BICRA: variants seen among roughly 807,000 people sequenced by gnomAD.
BICRA encodes BRD4 interacting chromatin remodeling complex associated protein, also known as BRD4-interacting chromatin-remodeling complex-associated protein.
In BICRA, 31 loss-of-function variants were observed where a neutral mutation model predicts 96.9. The observed-to-expected ratio is 0.32, with a 90% CI of 0.24 to 0.43. The LOEUF (loss-of-function observed/expected upper bound fraction) is 0.43, where lower values mean the gene tolerates loss of function less well. BICRA is among the 20% of genes least tolerant of loss of function. The pLI, the probability that BICRA is intolerant of heterozygous loss-of-function variation, is 1.00. For synonymous variants in BICRA, 1,350 were observed against 1,071.8 expected, an observed-to-expected ratio of 1.26 and a Z score of -5.07; for missense variants, 2,283 against 2,190.3, an observed-to-expected ratio of 1.04 and a Z score of -0.84.
intron 1 of BICRA, among the ~76,000 whole-genome samples, chr19:47,668,828 A>G (rs1972821820): frequency 6.7e-6 from 1 of 150,368 alleles, no homozygotes; most frequent in South Asian, 2.1e-4. Flanking sequence ...TCTGTTTAAA[A>G]TGGCTCCTAG....
chr19:47,631,210 C>G (rs933225999), intron 1 of BICRA, among the ~76,000 whole-genome samples: 3 of 152,040 alleles, frequency 2.0e-5, no homozygotes, highest in Non-Finnish European at 4.4e-5. Context: ...GTGCACCACC[C>G]CATCTGGCTA....
At chr19:47,663,816 A>ACG (rs10635659) in intron 1 of BICRA, 1 of 149,446 alleles carries the variant, frequency 6.7e-6, no homozygotes, top group Non-Finnish European at 1.5e-5. Flanking sequence ...ACACACACAC[A>ACG]TTATTGAAAC....
Position 47,682,288 on chromosome 19 carries a change from C to A in BICRA, c.2283+136C>A, listed in dbSNP as rs188687451. 7.9e-5 allele frequency: 44 copies of A among 557,380 alleles called. 1 individual carries two copies. Among genetic ancestry groups the A allele is most frequent in the Middle Eastern group, 4.7e-4 (1 of 2,126 alleles). 34.5% of individuals were successfully genotyped at this position (557,380 alleles called of 1,614,324 possible). Reference sequence around the variant, plus strand: ...TGGAACACAGAGCTCTCCTTCACCCCCCAAGTGTCTCCTAGTGATCATGGA... The same window carrying A: ...TGGAACACAGAGCTCTCCTTCACCCACCAAGTGTCTCCTAGTGATCATGGA... On this transcript the variant is annotated intron_variant, in intron 7 of 14. Coordinates refer to ENST00000594866, the MANE Select transcript of BICRA (RefSeq NM_001394372.1).
At chr19:47,679,059 CCT>C in intron 5 of BICRA, 1 of 326,866 alleles carries the variant, frequency 3.1e-6, no homozygotes. Context: ...TGCTGCCACC[CCT>C]GACTAATTTT....
intron 1 of BICRA, among the ~76,000 whole-genome samples, chr19:47,645,121 G>C (rs962162597): frequency 6.6e-6 from 1 of 152,134 alleles, no homozygotes; most frequent in Non-Finnish European, 1.5e-5. Context: ...ACGTCCCTCA[G>C]AGCCGTATCC....
intron 1 of BICRA, among the ~76,000 whole-genome samples, chr19:47,629,639 G>A (rs1209437513): frequency 1.3e-5 from 2 of 151,842 alleles, no homozygotes; most frequent in Non-Finnish European, 2.9e-5. Context: ...TTGAACATGA[G>A]TGTGCAAATA....
intron 1 of BICRA, among the ~76,000 whole-genome samples, chr19:47,635,306 G>T (rs1019806355): frequency 2.0e-5 from 3 of 150,214 alleles, no homozygotes; most frequent in Non-Finnish European, 4.4e-5. Context: ...GGAGTGCAGT[G>T]GCTGGATCTT....
intron 7 of BICRA, among the ~76,000 whole-genome samples, chr19:47,692,114 A>G (rs1428675499): frequency 6.6e-6 from 1 of 152,080 alleles, no homozygotes; most frequent in Non-Finnish European, 1.5e-5. Context: ...TGAGTGGGCC[A>G]GTTCTCTTTT....
chr19:47,640,423 G>A (rs752999362), intron 1 of BICRA, among the ~76,000 whole-genome samples: 14 of 151,904 alleles, frequency 9.2e-5, no homozygotes, highest in Non-Finnish European at 1.5e-4. Context: ...CCAGCTACTC[G>A]GGAGGCTGAG....
At position 47,702,763 on chromosome 19, in the gene BICRA, C is replaced by T. The variant is rs1973489058; in HGVS notation, c.*348C>T. On this transcript the variant is annotated 3_prime_UTR_variant, in exon 15 of 15. Coordinates refer to ENST00000594866, the MANE Select transcript of BICRA (RefSeq NM_001394372.1). ...AGGGATGGGGCCACCGGGTTGATGC[C>T]AACGCTCCGGGTGCCTGTCTTGTCT... The T allele has an allele frequency of 9.5e-6, 3 of 316,036 alleles. No homozygotes were observed. The highest frequency in any genetic ancestry group is 1.7e-5 in the Non-Finnish European group (3 of 172,682). The allele number at this position is 316,036 out of a possible 1,614,324, so 19.6% of individuals were successfully genotyped here. A position where few individuals can be genotyped will look rare whatever the true frequency, so the allele number is the denominator to read the frequency against.
At chr19:47,656,448 T>C (rs1195475306) in intron 1 of BICRA, among the ~76,000 whole-genome samples, 1 of 152,198 alleles carries the variant, frequency 6.6e-6, no homozygotes, top group Non-Finnish European at 1.5e-5. Context: ...GGTGAAAGCA[T>C]TGTGGCCAGA....
chr19:47,621,275 A>G lies in BICRA; in HGVS notation c.-108+12107A>G, dbSNP rs569692863. Among the ~76,000 whole-genome samples, 3 of 152,258 alleles carry G rather than the reference A, an allele frequency of 2.0e-5. No homozygotes were observed. The East Asian group carries it at 5.8e-4, about 29-fold the overall frequency. On this transcript the variant is annotated intron_variant, in intron 1 of 14. Coordinates refer to ENST00000594866, the MANE Select transcript of BICRA (RefSeq NM_001394372.1). Reference sequence around the variant, plus strand: ...GCGCATCTTGGAGTTGATAAAACTCAGGAAAAGTCCTGTCCCACCCTGCAG... The same window carrying G: ...GCGCATCTTGGAGTTGATAAAACTCGGGAAAAGTCCTGTCCCACCCTGCAG...
chr19:47,699,085 C>T lies in BICRA; in HGVS notation c.3492+26C>T. ...GTAGGGTCAGAGTCGCCTTCCTCGC[C>T]TCTGGGCTCCTCCTCGCTGGGACAC... is the stretch of plus-strand genomic sequence containing the variant. On this transcript the variant is annotated intron_variant, in intron 13 of 14. Coordinates refer to ENST00000594866, the MANE Select transcript of BICRA (RefSeq NM_001394372.1). The surrounding 1 kb of genome is among the most constrained non-coding windows in gnomAD (Gnocchi z 5.0). 1 of 1,411,202 alleles carries T rather than the reference C, an allele frequency of 7.1e-7. No homozygotes were observed. The highest frequency in any genetic ancestry group is 9.8e-7 in the Non-Finnish European group (1 of 1,020,860). The allele number at this position is 1,411,202 out of a possible 1,614,324, so 87.4% of individuals were successfully genotyped here.
intron 1 of BICRA, among the ~76,000 whole-genome samples, chr19:47,651,977 C>G (rs897287226): frequency 6.6e-6 from 1 of 152,224 alleles, no homozygotes; most frequent in African/African-American, 2.4e-5. Context: ...ACCAGGTCAG[C>G]ATCTGAAGGT....
chr19:47,643,141 T>G (rs1332190252), intron 1 of BICRA, among the ~76,000 whole-genome samples: 1 of 152,220 alleles, frequency 6.6e-6, no homozygotes, highest in East Asian at 1.9e-4. Flanking sequence ...GGCTAATTTT[T>G]GTATTTTTTG....
chr19:47,667,192 G>A (rs527899856), intron 1 of BICRA, among the ~76,000 whole-genome samples: 1 of 152,142 alleles, frequency 6.6e-6, no homozygotes, highest in African/African-American at 2.4e-5. Flanking sequence ...CTCATTTTTT[G>A]TATTTTTAGT....
upstream of BICRA, among the ~76,000 whole-genome samples, chr19:47,608,866 T>TG (rs1474376213): frequency 5.8e-5 from 6 of 103,450 alleles, no homozygotes; most frequent in South Asian, 3.5e-4. Flanking sequence ...AGGAAGGGGG[T>TG]GGGGGGCGGA....
At position 47,698,603 on chromosome 19, in the gene BICRA, C is replaced by CCGGGGGGGG; in HGVS notation, c.3249-31_3249-30insCGGGGGGGG. ...CTCACCCGTCCCCCCCACCCTCCGC[C>CCGGGGGGGG]GTGTGTGGTCTCTCCCCTTTCCACC... On this transcript the variant is annotated intron_variant, in intron 11 of 14. Coordinates refer to ENST00000594866, the MANE Select transcript of BICRA (RefSeq NM_001394372.1). This position sits in a 1 kb window ranked among gnomAD's most constrained non-coding sequence, Gnocchi z 4.8. 9.1e-7 allele frequency: 1 copy of CCGGGGGGGG among 1,103,462 alleles called. No individual in the cohort carries two copies. The highest frequency in any genetic ancestry group is 1.4e-6 in the Non-Finnish European group (1 of 721,348). 68.4% of individuals were successfully genotyped at this position (1,103,462 alleles called of 1,614,324 possible).
At chr19:47,669,234 A>C (rs1208548124) in intron 1 of BICRA, among the ~76,000 whole-genome samples, 1 of 152,202 alleles carries the variant, frequency 6.6e-6, no homozygotes, top group Non-Finnish European at 1.5e-5. Flanking sequence ...AGCTTCCTTC[A>C]GGTGGGAGTT....
Sources: allele counts gnomAD v4.1 joint callset (sites outside exome capture counted in the v4.1 genomes callset), GRCh38; gene constraint gnomAD v4.1.1; non-coding constraint Gnocchi (gnomAD v3.1); transcripts MANE v1.5; gene names NCBI Gene and HGNC (gene_info 2026-07-23, HGNC 2026-07-21).